The following SLC6A6 variants were observed in gnomAD, a reference collection of about 807,000 sequenced individuals.
SLC6A6 encodes sodium- and chloride-dependent taurine transporter.
In SLC6A6, 16 loss-of-function variants were observed where a neutral mutation model predicts 68.8. That is an observed-to-expected ratio of 0.23 (90% CI 0.16 to 0.35). SLC6A6 has a LOEUF of 0.35. SLC6A6 is among the 10% of genes least tolerant of loss of function. The pLI, the probability that SLC6A6 is intolerant of heterozygous loss-of-function variation, is 1.00. For synonymous variants in SLC6A6, 312 were observed against 315.4 expected, an observed-to-expected ratio of 0.99 and a Z score of 0.12; for missense variants, 474 against 802.8, an observed-to-expected ratio of 0.59 and a Z score of 4.95.
chr3:14,422,741 C>T (rs976577340), intron 2 of SLC6A6, among the ~76,000 whole-genome samples: 6 of 152,250 alleles, frequency 3.9e-5, no homozygotes, highest in African/African-American at 1.4e-4. Flanking sequence ...CCTACCCTCA[C>T]TCCTCTTGCT....
chr3:14,447,458 T>C, intron 4 of SLC6A6, 124 bp from the exon 5 acceptor site: 1 of 1,158,992 alleles, frequency 8.6e-7, no homozygotes, highest in South Asian at 1.4e-5. Context: ...TATTTGGTGG[T>C]CACTGTTGAA....
chr3:14,429,975 C>T (rs900654256), intron 2 of SLC6A6, among the ~76,000 whole-genome samples: 2 of 142,920 alleles, frequency 1.4e-5, no homozygotes, highest in African/African-American at 5.1e-5. Flanking sequence ...GGATGCTAAA[C>T]GGAAGAGTCT....
intron 5 of SLC6A6, among the ~76,000 whole-genome samples, chr3:14,454,597 G>A (rs1316038949): frequency 6.6e-6 from 1 of 152,210 alleles, no homozygotes; most frequent in Non-Finnish European, 1.5e-5. Flanking sequence ...GTGTCAGGCT[G>A]TGTTGTGACA....
chr3:14,445,937 T>C (rs924886262), intron 4 of SLC6A6, 86 bp downstream of exon 4: 44 of 1,401,038 alleles, frequency 3.1e-5, no homozygotes, highest in Non-Finnish European at 3.8e-5. Context: ...GCCAGGTCCA[T>C]TGGAGCCTCA....
intron 13 of SLC6A6, among the ~76,000 whole-genome samples, chr3:14,479,618 T>G (rs1263321088): frequency 6.6e-6 from 1 of 151,904 alleles, no homozygotes; most frequent in Non-Finnish European, 1.5e-5. Context: ...ACATTGGAAA[T>G]GGGGTGTTTC....
intron 1 of SLC6A6, among the ~76,000 whole-genome samples, chr3:14,410,000 A>G (rs1381714725): frequency 2.0e-5 from 3 of 152,138 alleles, no homozygotes; most frequent in Non-Finnish European, 4.4e-5. Flanking sequence ...AGCCTGGCCA[A>G]TATGGTGAAA....
At position 14,485,209 on chromosome 3, in the gene SLC6A6, G is replaced by A; in HGVS notation, c.*202G>A. ...TGTGTGTGTTTTGTTTTGATTTGGGGGATATTTTGTACAAAAAGAAAACCC... is the reference window on the plus strand; with the variant it reads ...TGTGTGTGTTTTGTTTTGATTTGGGAGATATTTTGTACAAAAAGAAAACCC... On this transcript the variant is annotated 3_prime_UTR_variant, in exon 15 of 15. Coordinates refer to ENST00000622186, the MANE Select transcript of SLC6A6 (RefSeq NM_003043.6). The A allele has an allele frequency of 2.4e-6, 1 of 411,096 alleles. No homozygotes were observed. The highest frequency in any genetic ancestry group is 4.3e-6 in the Non-Finnish European group (1 of 234,006). The allele number at this position is 411,096 out of a possible 1,614,324, so 25.5% of individuals were successfully genotyped here. A position where few individuals can be genotyped will look rare whatever the true frequency, so the allele number is the denominator to read the frequency against.
At chr3:14,473,477 C>G (rs890814144) in intron 10 of SLC6A6, among the ~76,000 whole-genome samples, 1 of 152,098 alleles carries the variant, frequency 6.6e-6, no homozygotes, top group African/African-American at 2.4e-5. Flanking sequence ...GTCCCCCTCC[C>G]CGCGGGCCGA....
Position 14,465,820 on chromosome 3 carries a change from C to CT in SLC6A6, c.733-695dup, listed in dbSNP as rs200897422. Among the ~76,000 whole-genome samples the CT allele has an allele frequency of 1.8e-3, 268 of 152,370 alleles. 5 individuals carry two copies. In the East Asian group the frequency reaches 0.043, roughly 24 times the overall value. ...ACACACGCACTTGATAGCTTACTCT[C>CT]TGATTTTGCTTTTTCCACCTCTACG... On this transcript the variant is annotated intron_variant, in intron 6 of 14. Transcript: ENST00000622186.
At chr3:14,435,361 G>A (rs1374865035) in intron 2 of SLC6A6, among the ~76,000 whole-genome samples, 2 of 152,180 alleles carry the variant, frequency 1.3e-5, no homozygotes, top group African/African-American at 4.8e-5. Context: ...GGTCTCTGAG[G>A]GTAGACCCGT....
In SLC6A6 at chr3:14,472,862, A is replaced by T. The variant is rs9836540; in HGVS notation, c.1209+545A>T. ...GATTCTGTGCTCCCTGGAGCGTGCG[A>T]GGGGCTGGGCATTGGCTCCCTCCCG... is the stretch of plus-strand genomic sequence containing the variant. On this transcript the variant is annotated intron_variant, in intron 10 of 14. Transcript: ENST00000622186. This position sits in a 1 kb window ranked among gnomAD's most constrained non-coding sequence, Gnocchi z 4.5. 9.4e-3 allele frequency among the ~76,000 whole-genome samples: 1,439 copies of T among 152,322 alleles called. 28 individuals carry two copies. The highest frequency in any genetic ancestry group is 0.033 in the African/African-American group (1,374 of 41,558).
In SLC6A6 at chr3:14,413,038, G is replaced by C. The variant is rs370760117; in HGVS notation, c.-53-3374G>C. On this transcript the variant is annotated intron_variant, in intron 1 of 14. Transcript: ENST00000622186. ...GAGGCTTTTCAAGGCAGCCAAGTCG[G>C]ATGTAAATCAGGGGAGAGCCCAGGG... 3.9e-5 allele frequency among the ~76,000 whole-genome samples: 6 copies of C among 152,376 alleles called. No individual in the cohort carries two copies. In the South Asian group the frequency reaches 1.0e-3, roughly 26 times the overall value.
Position 14,479,111 on chromosome 3 carries a change from G to A in SLC6A6, c.1477G>A (p.Glu493Lys). 6.2e-7 allele frequency: 1 copy of A among 1,612,794 alleles called. No individual in the cohort carries two copies. The highest frequency in any genetic ancestry group is 8.5e-7 in the Non-Finnish European group (1 of 1,178,790). Residue 493 changes from glutamate to lysine, a missense_variant, in exon 13 of 15, where the codon GAG becomes AAG. By Grantham distance (56) the Glu-to-Lys change is moderately conservative. Around this residue, in one of 2 missense-constraint regions of SLC6A6, gnomAD observed 194 missense variants for 269.8 expected, o/e 0.72. Coordinates refer to ENST00000622186, the MANE Select transcript of SLC6A6 (RefSeq NM_003043.6). ...YGGDNLYDGIEDMIGYRPGPW... is the reference protein window; with the variant it reads ...YGGDNLYDGIKDMIGYRPGPW... ...AGGTGATAACCTTTATGATGGTATT[G>A]AGGACATGATTGGCTATCGGCCCGG...
At chr3:14,470,486 A>G (rs972649578) in intron 9 of SLC6A6, among the ~76,000 whole-genome samples, 1 of 152,224 alleles carries the variant, frequency 6.6e-6, no homozygotes, top group African/African-American at 2.4e-5. Flanking sequence ...TGAGTTCACC[A>G]TGCACTTTTA....
chr3:14,443,363 G>A (rs1229394654), intron 2 of SLC6A6, among the ~76,000 whole-genome samples: 1 of 152,236 alleles, frequency 6.6e-6, no homozygotes, highest in South Asian at 2.1e-4. Flanking sequence ...CTTCTCTTCA[G>A]CAGGTGCCCG....
intron 2 of SLC6A6, among the ~76,000 whole-genome samples, chr3:14,438,387 A>G (rs1378333488): frequency 6.6e-6 from 1 of 152,210 alleles, no homozygotes; most frequent in Non-Finnish European, 1.5e-5. Context: ...TGGGTCACAC[A>G]GCTTAGTCAT....
Position 14,466,557 on chromosome 3 carries a change from G to C in SLC6A6, c.774G>C (p.Leu258=). 1 of 1,613,230 alleles carries C rather than the reference G, an allele frequency of 6.2e-7. No homozygotes were observed. Among genetic ancestry groups the C allele is most frequent in the South Asian group, 1.1e-5 (1 of 91,048 alleles). ...FTATFPFAML[L]VLLVRGLTLP... ...CCACTTTTCCATTCGCCATGCTCCT[G>C]GTGCTGCTGGTCCGAGGGCTGACGC... Residue 258 remains leucine, a synonymous_variant, in exon 7 of 15, where the codon CTG becomes CTC. Transcript: ENST00000622186.
intron 2 of SLC6A6, among the ~76,000 whole-genome samples, chr3:14,431,492 A>G (rs7620731): frequency 0.5 from 76,206 of 151,992 alleles, 19,388 homozygotes; most frequent in African/African-American, 0.57. Context: ...TGTGAGGGGT[A>G]CCTGCTCATT....
chr3:14,473,753 C>G (rs1700807741), intron 10 of SLC6A6, among the ~76,000 whole-genome samples: 1 of 152,200 alleles, frequency 6.6e-6, no homozygotes, highest in Admixed American at 6.5e-5. Context: ...TTAATCATTC[C>G]TAGTTAATGA....
Sources: gnomAD v4.1 joint callset for allele counts (sites outside exome capture counted in the v4.1 genomes callset) on GRCh38, gnomAD v4.1.1 for gene constraint, gnomAD v4.1.1 regional missense constraint, Gnocchi (gnomAD v3.1) non-coding constraint, MANE v1.5 for transcripts, NCBI Gene and HGNC (gene_info 2026-07-23, HGNC 2026-07-21) for gene names.